CTNNA2: variants seen among roughly 807,000 people sequenced by gnomAD.
CTNNA2 encodes catenin alpha 2.
Under a neutral mutation model 101.0 loss-of-function variants are expected in CTNNA2, and 42 were observed. That is an observed-to-expected ratio of 0.42 (90% CI 0.32 to 0.54). The LOEUF is 0.54. Ranked by LOEUF, CTNNA2 falls within the 20% of genes least tolerant of loss-of-function variation. The pLI, the probability that CTNNA2 is intolerant of heterozygous loss-of-function variation, is 0.14. For missense variants in CTNNA2, 871 were observed against 1,223.1 expected (o/e 0.71, Z 4.29); for synonymous variants, 450 against 456.4 (o/e 0.99, Z 0.18).
At chr2:80,024,596 G>A (rs1694817644) in intron 7 of CTNNA2, among the ~76,000 whole-genome samples, 1 of 152,202 alleles carries the variant, frequency 6.6e-6, no homozygotes, top group South Asian at 2.1e-4. Context: ...AGGTGCCGGG[G>A]CAGATGAACA....
At chr2:79,996,213 T>A (rs543917761) in intron 7 of CTNNA2, among the ~76,000 whole-genome samples, 2 of 152,334 alleles carry the variant, frequency 1.3e-5, no homozygotes, top group Admixed American at 1.3e-4. Flanking sequence ...TATTGATGTG[T>A]GAGTACCACA....
intron 3 of CTNNA2, among the ~76,000 whole-genome samples, chr2:79,321,413 G>T (rs910072194): frequency 7.1e-6 from 1 of 140,800 alleles, no homozygotes; most frequent in African/African-American, 2.7e-5. Context: ...GGGCTGAGTT[G>T]TGTGAAATTT....
rs534912345 is a variant in CTNNA2, at chr2:79,814,170, T to C, written c.299-43843T>C. Among the ~76,000 whole-genome samples the C allele has an allele frequency of 2.0e-5, 3 of 152,306 alleles. No individual in the cohort carries two copies. The South Asian group carries it at 6.2e-4, about 32-fold the overall frequency. Reference sequence around the variant, plus strand: ...AGTGCTCCCCCAACTTTTATATATATGATTTCATCGTGAGGTCCGACAAAA... The same window carrying C: ...AGTGCTCCCCCAACTTTTATATATACGATTTCATCGTGAGGTCCGACAAAA... On this transcript the variant is annotated intron_variant, in intron 3 of 18. Coordinates refer to ENST00000402739, the MANE Select transcript of CTNNA2 (RefSeq NM_001282597.3).
chr2:79,204,461 A>G (rs971398226), intron 2 of CTNNA2, among the ~76,000 whole-genome samples: 1 of 152,194 alleles, frequency 6.6e-6, no homozygotes, highest in Non-Finnish European at 1.5e-5. Context: ...GAAGCTCTTT[A>G]TACTACCAGC....
intron 1 of CTNNA2, among the ~76,000 whole-genome samples, chr2:79,594,834 C>T (rs1185618494): frequency 2.6e-5 from 4 of 152,140 alleles, no homozygotes; most frequent in African/African-American, 9.7e-5. Context: ...AAAATTATAT[C>T]ATCATTATCA....
chr2:80,524,615 G>T (rs1380209231), intron 9 of CTNNA2, among the ~76,000 whole-genome samples: 1 of 152,036 alleles, frequency 6.6e-6, no homozygotes, highest in African/African-American at 2.4e-5. Flanking sequence ...AGTCTCTTTG[G>T]CCATGGCTCA....
rs537785727 is a variant in CTNNA2, at chr2:79,848,553, A to C, written c.299-9460A>C. On this transcript the variant is annotated intron_variant, in intron 3 of 18. Coordinates refer to ENST00000402739, the MANE Select transcript of CTNNA2 (RefSeq NM_001282597.3). ...ACCCTACACCCTCTTCTCCCAACCCAGGAAAAGGCTACAGCTGAAATAATT... is the reference window on the plus strand; with the variant it reads ...ACCCTACACCCTCTTCTCCCAACCCCGGAAAAGGCTACAGCTGAAATAATT... 3.0e-4 allele frequency among the ~76,000 whole-genome samples: 46 copies of C among 152,294 alleles called. No homozygotes were observed. In the South Asian group the frequency reaches 9.5e-3, roughly 32 times the overall value.
chr2:79,218,771 T>G (rs773442824), intron 2 of CTNNA2, among the ~76,000 whole-genome samples: 1 of 152,224 alleles, frequency 6.6e-6, no homozygotes, highest in Non-Finnish European at 1.5e-5. Context: ...GAGTGTATTC[T>G]GCTTTAAAGT....
At chr2:80,034,510 C>T (rs1352929992) in intron 7 of CTNNA2, among the ~76,000 whole-genome samples, 1 of 151,958 alleles carries the variant, frequency 6.6e-6, no homozygotes, top group Non-Finnish European at 1.5e-5. Flanking sequence ...ACCACCACCA[C>T]TCCTGGCTAA....
At chr2:79,574,528 C>T (rs79265639) in intron 1 of CTNNA2, among the ~76,000 whole-genome samples, 4,288 of 152,226 alleles carry the variant, frequency 0.028, 76 homozygotes, top group African/African-American at 0.039. Context: ...TCAATCCATG[C>T]TGCTGCAGAG....
rs886945519 is a variant in CTNNA2, at chr2:79,635,785, T to C, written c.-5-15767T>C. Among the ~76,000 whole-genome samples, 3 of 151,338 alleles carry C rather than the reference T, an allele frequency of 2.0e-5. No individual in the cohort carries two copies. In the South Asian group the frequency reaches 6.3e-4, roughly 32 times the overall value. ...TCCCTAAGTGCTGGGATTACAGGCA[T>C]GAGCCACCGTGCCCGGCCAATACAT... On this transcript the variant is annotated intron_variant, in intron 1 of 18. Coordinates refer to ENST00000402739, the MANE Select transcript of CTNNA2 (RefSeq NM_001282597.3).
chr2:79,694,651 A>G (rs1164468849), intron 2 of CTNNA2, among the ~76,000 whole-genome samples: 1 of 151,868 alleles, frequency 6.6e-6, no homozygotes, highest in Non-Finnish European at 1.5e-5. Flanking sequence ...ACATCGTAAT[A>G]GGCTGCTTGA....
intron 4 of CTNNA2, among the ~76,000 whole-genome samples, chr2:79,465,427 G>A (rs1032488637): frequency 6.6e-6 from 1 of 152,240 alleles, no homozygotes; most frequent in African/African-American, 2.4e-5. Context: ...GATGCCTCCA[G>A]CTTTGTTCTT....
At chr2:80,107,873 G>A (rs1229320275) in intron 7 of CTNNA2, among the ~76,000 whole-genome samples, 4 of 152,154 alleles carry the variant, frequency 2.6e-5, no homozygotes, top group Non-Finnish European at 4.4e-5. Flanking sequence ...GCTGCTGGCC[G>A]GATTCTGAAC....
chr2:79,316,729 A>G (rs1171623353), intron 3 of CTNNA2, among the ~76,000 whole-genome samples: 1 of 151,886 alleles, frequency 6.6e-6, no homozygotes, highest in Non-Finnish European at 1.5e-5. Context: ...CATCTCTAGT[A>G]TAAAGAAATA....
chr2:79,596,131 TG>T (rs1206518428), intron 1 of CTNNA2, among the ~76,000 whole-genome samples: 2 of 152,086 alleles, frequency 1.3e-5, no homozygotes, highest in Non-Finnish European at 2.9e-5. Context: ...GTTTTTTAGA[TG>T]GCAGTTATCA....
chr2:80,312,480 C>T (rs1411252585), intron 7 of CTNNA2, among the ~76,000 whole-genome samples: 1 of 152,048 alleles, frequency 6.6e-6, no homozygotes, highest in Non-Finnish European at 1.5e-5. Flanking sequence ...GAGCAGATGA[C>T]CAGGGGAACA....
chr2:79,859,694 CT>C (rs1277423733), intron 4 of CTNNA2, among the ~76,000 whole-genome samples: 1 of 151,856 alleles, frequency 6.6e-6, no homozygotes, highest in East Asian at 1.9e-4. Flanking sequence ...AGGAAAGGCT[CT>C]TGAAATTGGA....
chr2:80,322,847 G>A (rs1678850000), intron 7 of CTNNA2, among the ~76,000 whole-genome samples: 1 of 152,214 alleles, frequency 6.6e-6, no homozygotes, highest in Non-Finnish European at 1.5e-5. Flanking sequence ...TTCGGGCCAG[G>A]CGAGGCTGTT....
Sources: gnomAD v4.1 joint callset for allele counts (sites outside exome capture counted in the v4.1 genomes callset) on GRCh38, gnomAD v4.1.1 for gene constraint, MANE v1.5 for transcripts, NCBI Gene and HGNC (gene_info 2026-07-23, HGNC 2026-07-21) for gene names.